The following TBC1D19 variants were observed in gnomAD, a reference collection of about 807,000 sequenced individuals.
The protein encoded by TBC1D19 is TBC1 domain family, member 19.
A neutral mutation model predicts 89.0 loss-of-function variants in TBC1D19; 60 were observed. That is an observed-to-expected ratio of 0.67 (90% CI 0.55 to 0.84). The LOEUF (loss-of-function observed/expected upper bound fraction) is 0.84, where lower values mean the gene tolerates loss of function less well. TBC1D19 is among the 40% of genes least tolerant of loss of function. The pLI, the probability that TBC1D19 is intolerant of heterozygous loss-of-function variation, is 0.00. For synonymous variants in TBC1D19, 189 were observed against 199.7 expected (o/e 0.95, Z 0.45); for missense variants, 500 against 610.8 (o/e 0.82, Z 1.91).
At position 26,613,250 on chromosome 4, in the gene TBC1D19, G is replaced by A; in HGVS notation, c.172+9G>A. 1 of 1,510,696 alleles carries A rather than the reference G, an allele frequency of 6.6e-7. No individual in the cohort carries two copies. Among genetic ancestry groups the A allele is most frequent in the Non-Finnish European group, 9.0e-7 (1 of 1,111,692 alleles). 93.6% of individuals were successfully genotyped at this position (1,510,696 alleles called of 1,614,324 possible). Reference sequence around the variant, plus strand: ...ATTCTTTAAAATATCAGGTTTGTAAGTTTTTCCTAATAACTTAAGGCAAAA... The same window carrying A: ...ATTCTTTAAAATATCAGGTTTGTAAATTTTTCCTAATAACTTAAGGCAAAA... On this transcript the variant is annotated intron_variant, in intron 2 of 20. Transcript: ENST00000264866.
In TBC1D19 at chr4:26,688,375, T is replaced by G; in HGVS notation, c.922T>G (p.Tyr308Asp). ...DVKLTASNDDYYFVFEDYLYQ... is the reference protein window; with the variant it reads ...DVKLTASNDDDYFVFEDYLYQ... ...GAAGTTGACAGCAAGCAATGATGAT[T>G]ATTATTTTGTATTTGAAGATTATTT... is the stretch of plus-strand genomic sequence containing the variant. The change falls in exon 13 of 21, where the codon TAT becomes GAT. Residue 308 changes from tyrosine to aspartate, a missense_variant. Tyr to Asp is a radical substitution (Grantham distance 160). Transcript: ENST00000264866. The G allele has an allele frequency of 1.3e-6, 2 of 1,568,556 alleles. No homozygotes were observed. Among genetic ancestry groups the G allele is most frequent in the Non-Finnish European group, 1.7e-6 (2 of 1,152,746 alleles).
chr4:26,701,860 C>G (rs1320678091), intron 13 of TBC1D19, among the ~76,000 whole-genome samples: 1 of 152,124 alleles, frequency 6.6e-6, no homozygotes, highest in Non-Finnish European at 1.5e-5. Flanking sequence ...TGTTGTGACA[C>G]CAAACATATG....
intron 13 of TBC1D19, among the ~76,000 whole-genome samples, chr4:26,703,331 A>G (rs537563667): frequency 1.4e-4 from 22 of 152,290 alleles, no homozygotes; most frequent in Admixed American, 5.2e-4. Context: ...ATGCATTGTA[A>G]ATATTCTGTT....
chr4:26,578,172 G>T (rs1285753159), intron 1 of TBC1D19, among the ~76,000 whole-genome samples: 1 of 152,110 alleles, frequency 6.6e-6, no homozygotes, highest in Non-Finnish European at 1.5e-5. Context: ...CCTTTCTTGT[G>T]CACGGCATCT....
At chr4:26,722,922 C>A (rs1355856158) in intron 15 of TBC1D19, among the ~76,000 whole-genome samples, 2 of 152,162 alleles carry the variant, frequency 1.3e-5, no homozygotes, top group African/African-American at 4.8e-5. Context: ...TGAATCCAAG[C>A]TGTCTGGCTT....
chr4:26,612,277 G>T (rs532307604), intron 1 of TBC1D19, among the ~76,000 whole-genome samples: 1,565 of 151,398 alleles, frequency 0.01, 10 homozygotes, highest in Middle Eastern at 0.027. Context: ...AAATCTCACT[G>T]CCACCAGTGC....
chr4:26,586,174 T>C (rs918361195), intron 1 of TBC1D19, among the ~76,000 whole-genome samples: 3 of 149,522 alleles, frequency 2.0e-5, no homozygotes, highest in African/African-American at 7.4e-5. Flanking sequence ...AGGTAAGCTT[T>C]TTTTTTTTTT....
intron 15 of TBC1D19, among the ~76,000 whole-genome samples, chr4:26,734,863 T>C (rs1471136409): frequency 2.0e-5 from 3 of 150,536 alleles, no homozygotes; most frequent in Non-Finnish European, 4.4e-5. Flanking sequence ...TTTTGTCCTG[T>C]TGTTTTGTGT....
At chr4:26,787,529 A>G in the TBC1D19 span, among the ~76,000 whole-genome samples, 1 of 152,198 alleles carries the variant, frequency 6.6e-6, no homozygotes, top group Admixed American at 6.5e-5. Context: ...GTCTCTGACG[A>G]AAGGGCAGCA....
At chr4:26,726,249 G>A (rs1280682814) in intron 15 of TBC1D19, among the ~76,000 whole-genome samples, 3 of 151,714 alleles carry the variant, frequency 2.0e-5, no homozygotes, top group East Asian at 1.9e-4. Flanking sequence ...GCTGATAAAC[G>A]TCCTACAGTA....
chr4:26,596,398 C>T (rs903435831), intron 1 of TBC1D19, among the ~76,000 whole-genome samples: 1 of 151,118 alleles, frequency 6.6e-6, no homozygotes, highest in Admixed American at 6.6e-5. Context: ...TTATAGTAAA[C>T]CTCTATTTCT....
chr4:26,849,170 T>C, the TBC1D19 span, among the ~76,000 whole-genome samples: 1 of 147,504 alleles, frequency 6.8e-6, no homozygotes, highest in Non-Finnish European at 1.5e-5. Flanking sequence ...AGCAAGACTT[T>C]GTGTCAAAAT....
At chr4:26,795,726 G>A in the TBC1D19 span, among the ~76,000 whole-genome samples, 1 of 152,302 alleles carries the variant, frequency 6.6e-6, no homozygotes, top group Non-Finnish European at 1.5e-5. Context: ...AATGCCAATA[G>A]TGTTGGGAAG....
intron 13 of TBC1D19, among the ~76,000 whole-genome samples, chr4:26,689,060 C>T (rs944988526): frequency 6.6e-6 from 1 of 151,764 alleles, no homozygotes; most frequent in Admixed American, 6.6e-5. Flanking sequence ...TAAATTGGTC[C>T]CTGCTGTTTG....
chr4:26,715,466 G>T (rs1716529035), intron 13 of TBC1D19, among the ~76,000 whole-genome samples: 1 of 152,018 alleles, frequency 6.6e-6, no homozygotes. Context: ...ATGGAGACGA[G>T]GATACCAAAG....
intron 7 of TBC1D19, among the ~76,000 whole-genome samples, chr4:26,658,839 C>T (rs933283446): frequency 3.9e-5 from 6 of 152,002 alleles, no homozygotes; most frequent in Non-Finnish European, 5.9e-5. Context: ...TTTATTCCTT[C>T]GTGGCAATTG....
intron 13 of TBC1D19, among the ~76,000 whole-genome samples, chr4:26,692,379 A>T (rs1215510041): frequency 6.6e-6 from 1 of 152,150 alleles, no homozygotes; most frequent in Non-Finnish European, 1.5e-5. Flanking sequence ...AACGGCTTTC[A>T]CCTCATTTTG....
intron 13 of TBC1D19, among the ~76,000 whole-genome samples, chr4:26,699,628 T>G (rs11737277): frequency 0.39 from 59,697 of 151,470 alleles, 12,233 homozygotes; most frequent in Non-Finnish European, 0.46. Context: ...GTCCAACAAT[T>G]GTAGACTGGA....
chr4:26,599,511 C>T (rs539130789), intron 1 of TBC1D19, among the ~76,000 whole-genome samples: 2 of 152,264 alleles, frequency 1.3e-5, no homozygotes, highest in East Asian at 1.9e-4. Flanking sequence ...ATTAGCTCTT[C>T]TCTTAAACGT....
Sources: gnomAD v4.1 joint callset for allele counts (sites outside exome capture counted in the v4.1 genomes callset) on GRCh38, gnomAD v4.1.1 for gene constraint, MANE v1.5 for transcripts, NCBI Gene and HGNC (gene_info 2026-07-23, HGNC 2026-07-21) for gene names.